GRTP1: variants seen among roughly 807,000 people sequenced by gnomAD.
The protein encoded by GRTP1 is growth hormone regulated TBC protein 1.
In GRTP1, 56 loss-of-function variants were observed where a neutral mutation model predicts 38.1. That is an observed-to-expected ratio of 1.47 (90% CI 1.19 to 1.84). The LOEUF (loss-of-function observed/expected upper bound fraction) is 1.84, where lower values mean the gene tolerates loss of function less well. Among genes scored for constraint, GRTP1 ranks in the 40% most tolerant of loss-of-function variants. The probability of loss-of-function intolerance (pLI) is 0.00; values close to 1 mark genes in which losing one functional copy is unlikely to be tolerated. For synonymous variants in GRTP1, 217 were observed against 189.5 expected, an observed-to-expected ratio of 1.14 and a Z score of -1.19; for missense variants, 506 against 453.9, an observed-to-expected ratio of 1.11 and a Z score of -1.04.
intron 3 of GRTP1, 37 bp downstream of exon 3, chr13:113,355,286 C>T (rs772185067): frequency 1.2e-6 from 2 of 1,604,876 alleles, no homozygotes; most frequent in South Asian, 1.1e-5. Flanking sequence ...TTCCGGCCCC[C>T]GGGCCCTGCA....
chr13:113,327,312 G>A (rs747145768), intron 5 of GRTP1, among the ~76,000 whole-genome samples: 3 of 152,130 alleles, frequency 2.0e-5, no homozygotes, highest in Non-Finnish European at 4.4e-5. Context: ...CTGAGTAGCT[G>A]GGACTACAGG....
rs1169399202 is a variant in GRTP1, at chr13:113,349,857, G to C, written c.465+992C>G. Reference sequence around the variant, plus strand: ...TCCCGGCTCCTACAGGAAGTTTCTGGGGGCATCACTGGGACTGCTAGGTTC... The same window carrying C: ...TCCCGGCTCCTACAGGAAGTTTCTGCGGGCATCACTGGGACTGCTAGGTTC... On this transcript the variant is annotated intron_variant, in intron 4 of 7. Coordinates refer to ENST00000375431, the MANE Select transcript of GRTP1 (RefSeq NM_024719.4). The surrounding 1 kb of genome is among the most constrained non-coding windows in gnomAD (Gnocchi z 5.0). 3.9e-5 allele frequency among the ~76,000 whole-genome samples: 6 copies of C among 152,138 alleles called. No homozygotes were observed. The highest frequency in any genetic ancestry group is 1.4e-4 in the African/African-American group (6 of 41,422).
chr13:113,330,720 G>T lies in GRTP1; in HGVS notation c.563-4629C>A, dbSNP rs112523895. Among the ~76,000 whole-genome samples the T allele has an allele frequency of 5.2e-5, 5 of 95,382 alleles. 1 individual carries two copies. The highest frequency in any genetic ancestry group is 8.5e-5 in the Non-Finnish European group (4 of 47,288). 62.6% of individuals were successfully genotyped at this position (95,382 alleles called of 152,430 possible). A position where few individuals can be genotyped will look rare whatever the true frequency, so the allele number is the denominator to read the frequency against. On this transcript the variant is annotated intron_variant, in intron 5 of 7. Transcript: ENST00000375431. ...GGTGTGTGCATGGAAACCCGGGTGTGTGCATGGAAACCCAGGTGTGTGCAT... is the reference window on the plus strand; with the variant it reads ...GGTGTGTGCATGGAAACCCGGGTGTTTGCATGGAAACCCAGGTGTGTGCAT...
chr13:113,330,935 G>T (rs564714456), intron 5 of GRTP1, among the ~76,000 whole-genome samples: 1 of 125,158 alleles, frequency 8.0e-6, no homozygotes, highest in African/African-American at 3.1e-5. Context: ...GGGAGCCCAG[G>T]TGTGTGCATG....
chr13:113,355,711 C>A (rs995221842), intron 2 of GRTP1: 2 of 396,230 alleles, frequency 5.0e-6, no homozygotes, highest in Non-Finnish European at 8.9e-6. Flanking sequence ...ACCGCCCCCA[C>A]GCCCACTTCA....
chr13:113,339,722 A>G (rs2043000858), intron 5 of GRTP1: 2 of 152,230 alleles, frequency 1.3e-5, no homozygotes, highest in Admixed American at 1.3e-4. Context: ...CATTTTAATT[A>G]TTAGAGCATT....
chr13:113,353,338 G>T (rs1228687447), intron 3 of GRTP1, among the ~76,000 whole-genome samples: 1 of 152,262 alleles, frequency 6.6e-6, no homozygotes, highest in African/African-American at 2.4e-5. Context: ...ACCCATAACA[G>T]CCGTGCGGCA....
intron 4 of GRTP1, among the ~76,000 whole-genome samples, chr13:113,347,351 C>T (rs1227942569): frequency 2.1e-4 from 9 of 42,360 alleles, no homozygotes; most frequent in Non-Finnish European, 3.0e-4. Flanking sequence ...CCTCTGTGGC[C>T]AAGAACAGAT....
intron 3 of GRTP1, among the ~76,000 whole-genome samples, chr13:113,354,849 C>T (rs1355114431): frequency 2.0e-5 from 3 of 152,082 alleles, no homozygotes; most frequent in African/African-American, 4.8e-5. Flanking sequence ...ATTTTGTTAG[C>T]ACTCTGAACT....
chr13:113,342,936 G>A lies in GRTP1; in HGVS notation c.562+1927C>T, dbSNP rs987858212. Among the ~76,000 whole-genome samples the A allele has an allele frequency of 1.5e-4, 23 of 151,998 alleles. No homozygotes were observed. Among genetic ancestry groups the A allele is most frequent in the African/African-American group, 3.6e-4 (15 of 41,348 alleles). On this transcript the variant is annotated intron_variant, in intron 5 of 7. Transcript: ENST00000375431. The surrounding 1 kb of genome is among the most constrained non-coding windows in gnomAD (Gnocchi z 4.5). ...CATCTGTCCATCACACCAGCACGGC[G>A]GGGCCTGCTCCTGCCCTCTAGGTTG...
intron 5 of GRTP1, among the ~76,000 whole-genome samples, chr13:113,332,352 GGTACACA>G (rs1387306047): frequency 7.9e-6 from 1 of 127,062 alleles, no homozygotes; most frequent in African/African-American, 3.2e-5. Flanking sequence ...GCCACACACA[GGTACACA>G]CGTGCACACG....
At position 113,355,210 on chromosome 13, in the gene GRTP1, TA is replaced by T. The variant is rs1286617623; in HGVS notation, c.340+112del. The T allele has an allele frequency of 5.5e-5, 58 of 1,056,602 alleles. No individual in the cohort carries two copies. In the Admixed American group the frequency reaches 1.3e-3, roughly 24 times the overall value. 65.5% of individuals were successfully genotyped at this position (1,056,602 alleles called of 1,614,324 possible). A position where few individuals can be genotyped will look rare whatever the true frequency, so the allele number is the denominator to read the frequency against. On this transcript the variant is annotated intron_variant, in intron 3 of 7. Transcript: ENST00000375431. ...CATGGAGGAAGACGTAACTTCAAGT[TA>T]AAAGCAGCAGGCGCACCGCTCACCC...
In GRTP1 at chr13:113,324,431, A is replaced by C. The variant is rs1445258665; in HGVS notation, c.*57T>G. Reference sequence around the variant, plus strand: ...AAGCAGTGAAAGTTGGTCCAGTGTCAACTCTGGAAAGGGGCATCGTCAGTG... The same window carrying C: ...AAGCAGTGAAAGTTGGTCCAGTGTCCACTCTGGAAAGGGGCATCGTCAGTG... On this transcript the variant is annotated 3_prime_UTR_variant, in exon 8 of 8. Coordinates refer to ENST00000375431, the MANE Select transcript of GRTP1 (RefSeq NM_024719.4). The C allele has an allele frequency of 6.7e-7, 1 of 1,485,896 alleles. No homozygotes were observed. The highest frequency in any genetic ancestry group is 9.0e-7 in the Non-Finnish European group (1 of 1,113,864). The allele number at this position is 1,485,896 out of a possible 1,614,324, so 92.0% of individuals were successfully genotyped here.
rs977799971 is a variant in GRTP1 at position 113,343,839 on chromosome 13, G to T, written c.562+1024C>A. 5.3e-5 allele frequency among the ~76,000 whole-genome samples: 8 copies of T among 152,112 alleles called. No homozygotes were observed. Among genetic ancestry groups the T allele is most frequent in the African/African-American group, 1.9e-4 (8 of 41,418 alleles). ...TGCAGGATGAGCACGCAGCCCCCTT[G>T]ACCCAGCACCACAGCCAGGCTGGGG... On this transcript the variant is annotated intron_variant, in intron 5 of 7. Coordinates refer to ENST00000375431, the MANE Select transcript of GRTP1 (RefSeq NM_024719.4). This position sits in a 1 kb window ranked among gnomAD's most constrained non-coding sequence, Gnocchi z 4.8.
intron 5 of GRTP1, among the ~76,000 whole-genome samples, chr13:113,341,254 T>C (rs1321982098): frequency 2.0e-5 from 3 of 151,982 alleles, no homozygotes; most frequent in Non-Finnish European, 2.9e-5. Context: ...TATGTATGTG[T>C]GTATGTATGT....
intron 2 of GRTP1, 129 bp from the exon 3 acceptor site, chr13:113,355,610 G>C (rs1045962804): frequency 3.9e-5 from 44 of 1,139,836 alleles, no homozygotes; most frequent in Middle Eastern, 3.0e-4. Flanking sequence ...CCAGAACTTC[G>C]TCCATCTCCA....
chr13:113,363,524 T>C (rs1360637922), intron 2 of GRTP1, among the ~76,000 whole-genome samples: 6 of 152,078 alleles, frequency 3.9e-5, no homozygotes, highest in Non-Finnish European at 8.8e-5. Flanking sequence ...TTTTGATCCA[T>C]CCCGATATGG....
intron 7 of GRTP1, 79 bp from the exon 8 acceptor site, chr13:113,324,656 A>T (rs995806006): frequency 3.3e-5 from 50 of 1,519,362 alleles, no homozygotes; most frequent in Non-Finnish European, 4.3e-5. Context: ...GCAGGCAGGC[A>T]GACAGGCCTC....
intron 3 of GRTP1, among the ~76,000 whole-genome samples, chr13:113,352,450 T>C (rs1410523520): frequency 4.0e-5 from 6 of 149,122 alleles, no homozygotes; most frequent in Admixed American, 2.7e-4. Flanking sequence ...CACGGCTCAC[T>C]GCATCCTCGA....
Sources: gnomAD v4.1 joint callset for allele counts (sites outside exome capture counted in the v4.1 genomes callset) on GRCh38, gnomAD v4.1.1 for gene constraint, Gnocchi (gnomAD v3.1) non-coding constraint, MANE v1.5 for transcripts, NCBI Gene and HGNC (gene_info 2026-07-23, HGNC 2026-07-21) for gene names.